FARS2: variants seen among roughly 807,000 people sequenced by gnomAD.
FARS2 encodes the protein phenylalanine--tRNA ligase, mitochondrial.
In FARS2, 40 loss-of-function variants were observed where a neutral mutation model predicts 46.4. The observed-to-expected ratio is 0.86, with a 90% CI of 0.67 to 1.12. FARS2 has a LOEUF of 1.12. Ranked by LOEUF, FARS2 falls within the 50% of genes most tolerant of loss-of-function variation. The pLI, the probability that FARS2 is intolerant of heterozygous loss-of-function variation, is 0.00. For synonymous variants in FARS2, 234 were observed against 214.9 expected, an observed-to-expected ratio of 1.09 and a Z score of -0.78; for missense variants, 513 against 567.9, an observed-to-expected ratio of 0.90 and a Z score of 0.98.
intron 5 of FARS2, among the ~76,000 whole-genome samples, chr6:5,604,719 G>A (rs1404933929): frequency 6.6e-6 from 1 of 152,052 alleles, no homozygotes; most frequent in African/African-American, 2.4e-5. Context: ...ACAATATCGA[G>A]GTATACACAG....
intron 5 of FARS2, among the ~76,000 whole-genome samples, chr6:5,546,929 G>GTTA (rs141724408): frequency 0.023 from 3,501 of 151,150 alleles, 132 homozygotes; most frequent in African/African-American, 0.082. Flanking sequence ...ATTCATAATG[G>GTTA]TTATTTTATT....
At chr6:5,682,347 G>A (rs1256162208) in intron 6 of FARS2, among the ~76,000 whole-genome samples, 1 of 152,100 alleles carries the variant, frequency 6.6e-6, no homozygotes, top group African/African-American at 2.4e-5. Flanking sequence ...TTTAAATTCG[G>A]CAATAAATAT....
At chr6:5,690,822 C>T (rs958939107) in intron 6 of FARS2, among the ~76,000 whole-genome samples, 7 of 152,242 alleles carry the variant, frequency 4.6e-5, no homozygotes, top group Non-Finnish European at 1.0e-4. Flanking sequence ...CTCCCCATCA[C>T]TTTCAAGTAC....
At chr6:5,411,030 G>C (rs1223100367) in intron 3 of FARS2, among the ~76,000 whole-genome samples, 1 of 152,142 alleles carries the variant, frequency 6.6e-6, no homozygotes, top group South Asian at 2.1e-4. Context: ...TTAGCTTTTG[G>C]ATAGGATACA....
At chr6:5,442,781 A>G (rs1042315586) in intron 4 of FARS2, among the ~76,000 whole-genome samples, 4 of 152,158 alleles carry the variant, frequency 2.6e-5, no homozygotes, top group Non-Finnish European at 5.9e-5. Flanking sequence ...TGGGAGCCCC[A>G]GTGATGCCCT....
intron 6 of FARS2, among the ~76,000 whole-genome samples, chr6:5,625,144 G>A (rs1247477642): frequency 6.6e-6 from 1 of 152,202 alleles, no homozygotes; most frequent in African/African-American, 2.4e-5. Context: ...CCATTATCTT[G>A]ACTGTAGATC....
At chr6:5,284,614 C>T (rs897447087) in intron 1 of FARS2, among the ~76,000 whole-genome samples, 2 of 152,184 alleles carry the variant, frequency 1.3e-5, no homozygotes, top group African/African-American at 4.8e-5. Context: ...AACTACTTTT[C>T]AGAGATCACC....
intron 6 of FARS2, among the ~76,000 whole-genome samples, chr6:5,701,460 C>T (rs1401654430): frequency 6.6e-6 from 1 of 152,164 alleles, no homozygotes; most frequent in Non-Finnish European, 1.5e-5. Context: ...GAAAGCATTT[C>T]CTGGCGCCTC....
At chr6:5,740,049 C>T (rs1219557718) in intron 6 of FARS2, among the ~76,000 whole-genome samples, 1 of 152,166 alleles carries the variant, frequency 6.6e-6, no homozygotes, top group Non-Finnish European at 1.5e-5. Context: ...GGTTTAAAGG[C>T]CCCCAGAGTC....
intron 4 of FARS2, among the ~76,000 whole-genome samples, chr6:5,500,397 G>T (rs1582282114): frequency 6.6e-6 from 1 of 152,346 alleles, no homozygotes; most frequent in East Asian, 1.9e-4. Context: ...GAAGCAGAAT[G>T]GAGACCAAAT....
chr6:5,509,448 C>G (rs1349352809), intron 4 of FARS2, among the ~76,000 whole-genome samples: 1 of 152,216 alleles, frequency 6.6e-6, no homozygotes, highest in Non-Finnish European at 1.5e-5. Context: ...CGTGAGCACA[C>G]TGGGGAAGTG....
intron 6 of FARS2, among the ~76,000 whole-genome samples, chr6:5,757,489 A>C (rs891256506): frequency 2.0e-5 from 3 of 152,090 alleles, no homozygotes; most frequent in Non-Finnish European, 2.9e-5. Context: ...AACCCAACCC[A>C]CTTGCCCCAA....
chr6:5,640,341 G>A (rs560987511), intron 6 of FARS2, among the ~76,000 whole-genome samples: 1 of 152,306 alleles, frequency 6.6e-6, no homozygotes, highest in South Asian at 2.1e-4. Context: ...AGCAGTCATG[G>A]CAGGATTAAA....
rs368481397 is a variant in FARS2, at chr6:5,667,034, C to T, written c.1217+53714C>T. 1.3e-4 allele frequency among the ~76,000 whole-genome samples: 20 copies of T among 152,178 alleles called. 1 individual carries two copies. In the South Asian group the frequency reaches 4.2e-3, roughly 32 times the overall value. On this transcript the variant is annotated intron_variant, in intron 6 of 6. Coordinates refer to ENST00000274680, the MANE Select transcript of FARS2 (RefSeq NM_006567.5). ...GCTAAATGTTGCAAACACATGGACACATACTGGGGCCTATCGGAGGGTGGA... is the reference window on the plus strand; with the variant it reads ...GCTAAATGTTGCAAACACATGGACATATACTGGGGCCTATCGGAGGGTGGA...
intron 6 of FARS2, among the ~76,000 whole-genome samples, chr6:5,698,620 T>A (rs1405303697): frequency 1.3e-5 from 2 of 152,078 alleles, no homozygotes; most frequent in African/African-American, 2.4e-5. Flanking sequence ...TCAAGCAATG[T>A]CCCCCATATA....
In FARS2 at chr6:5,613,312, A is replaced by G. The variant is rs147628137; in HGVS notation, c.1209A>G (p.Val403=). 150 of 1,612,518 alleles carry G rather than the reference A, an allele frequency of 9.3e-5. No homozygotes were observed. The highest frequency in any genetic ancestry group is 1.2e-4 in the Non-Finnish European group (136 of 1,179,432). ...AGGTTGATCTCATAGACAAGTTTGT[A>G]CATCCAAAGTAAGTGAAAAGCTTTC... The part of the protein sequence containing the change: ...VEKVDLIDKF[V]HPKTHKTSHC... The change falls in exon 6 of 7, where the codon GTA becomes GTG. Residue 403 remains valine, a synonymous_variant. Coordinates refer to ENST00000274680, the MANE Select transcript of FARS2 (RefSeq NM_006567.5).
At chr6:5,315,932 T>C (rs1171029436) in intron 1 of FARS2, among the ~76,000 whole-genome samples, 1 of 152,210 alleles carries the variant, frequency 6.6e-6, no homozygotes, top group Non-Finnish European at 1.5e-5. Context: ...CATCAACAAA[T>C]GAGTTGTGCG....
intron 1 of FARS2, among the ~76,000 whole-genome samples, chr6:5,351,296 TTTAC>T (rs1356194134): frequency 6.6e-6 from 1 of 152,202 alleles, no homozygotes; most frequent in African/African-American, 2.4e-5. Context: ...AATACTTGCT[TTTAC>T]TTTTTATGAG....
In FARS2 at chr6:5,578,970, C is replaced by T. The variant is rs1246586226; in HGVS notation, c.1065+33630C>T. Among the ~76,000 whole-genome samples the T allele has an allele frequency of 4.6e-5, 7 of 152,180 alleles. No individual in the cohort carries two copies. The South Asian group carries it at 6.2e-4, about 14-fold the overall frequency. ...AAAATGGGAATAATATTAATGCTTACGTGGAGGATAAGGTTTTGTGGGGAT... is the reference window on the plus strand; with the variant it reads ...AAAATGGGAATAATATTAATGCTTATGTGGAGGATAAGGTTTTGTGGGGAT... On this transcript the variant is annotated intron_variant, in intron 5 of 6. Coordinates refer to ENST00000274680, the MANE Select transcript of FARS2 (RefSeq NM_006567.5).
Sources: allele counts gnomAD v4.1 joint callset (sites outside exome capture counted in the v4.1 genomes callset), GRCh38; gene constraint gnomAD v4.1.1; transcripts MANE v1.5; gene names NCBI Gene and HGNC (gene_info 2026-07-23, HGNC 2026-07-21).